Variants in MYH15 observed in about 807,000 individuals in gnomAD.
MYH15 encodes the protein myosin-15.
Under a neutral mutation model 240.5 loss-of-function variants are expected in MYH15, and 227 were observed. That is an observed-to-expected ratio of 0.94 (90% confidence interval 0.85 to 1.05). The LOEUF (loss-of-function observed/expected upper bound fraction) is 1.05. Ranked by LOEUF, MYH15 falls within the 50% of genes least tolerant of loss-of-function variation. The pLI is 0.00. For missense variants in MYH15, 2,217 were observed against 2,247.5 expected, an observed-to-expected ratio of 0.99 and a Z score of 0.27; for synonymous variants, 785 against 796.7, an observed-to-expected ratio of 0.99 and a Z score of 0.25.
rs534031202 is a variant in MYH15, at chr3:108,522,224, C to CA, written c.-58+7038dup. ...GGGACTGTGGTTCTATCAACAACAA[C>CA]AAAAAAATCCCAAGAAAGGGCATGA... On this transcript the variant is annotated intron_variant, in intron 1 of 41. Transcript: ENST00000273353. Among the ~76,000 whole-genome samples, 14 of 151,788 alleles carry CA rather than the reference C, an allele frequency of 9.2e-5. No individual in the cohort carries two copies. The South Asian group carries it at 2.3e-3, about 25-fold the overall frequency.
intron 8 of MYH15, 150 bp downstream of exon 8, chr3:108,492,964 G>GAA: frequency 1.5e-6 from 1 of 662,376 alleles, no homozygotes; most frequent in Non-Finnish European, 2.6e-6. Context: ...GAAAAGAAAA[G>GAA]AAGGAAGGAA....
intron 25 of MYH15, among the ~76,000 whole-genome samples, chr3:108,435,574 T>C (rs564173013): frequency 4.2e-4 from 63 of 150,628 alleles, no homozygotes; most frequent in Admixed American, 2.5e-3. Context: ...TTTTTCCTTT[T>C]TGTGACTGGC....
At chr3:108,542,965 C>A in the MYH15 span, among the ~76,000 whole-genome samples, 28 of 150,336 alleles carry the variant, frequency 1.9e-4, 1 homozygote, top group African/African-American at 6.4e-4. Flanking sequence ...ACTGTAACCT[C>A]TGCCTCACGG....
At chr3:108,474,797 TCA>T (rs1461583128) in intron 12 of MYH15, among the ~76,000 whole-genome samples, 1 of 152,144 alleles carries the variant, frequency 6.6e-6, no homozygotes, top group African/African-American at 2.4e-5. Flanking sequence ...AAGAAATAGC[TCA>T]GTTATGTGTC....
chr3:108,442,657 T>A (rs1042661136), intron 22 of MYH15, among the ~76,000 whole-genome samples: 1 of 152,090 alleles, frequency 6.6e-6, no homozygotes, highest in Admixed American at 6.5e-5. Context: ...AGTTTAGCAG[T>A]AGGAAGATTC....
In MYH15 at chr3:108,457,167, G is replaced by A. The variant is rs753467047; in HGVS notation, c.2021-284C>T. Among the ~76,000 whole-genome samples, 41 of 152,070 alleles carry A rather than the reference G, an allele frequency of 2.7e-4. 1 individual carries two copies. The highest frequency in any genetic ancestry group is 1.3e-4 in the Non-Finnish European group (9 of 68,002). Reference sequence around the variant, plus strand: ...GTTTATAAGCAAATATTCTTGGAAGGCAAAAAGATTACATTTTTTGCTAGA... The same window carrying A: ...GTTTATAAGCAAATATTCTTGGAAGACAAAAAGATTACATTTTTTGCTAGA... On this transcript the variant is annotated intron_variant, in intron 18 of 40. Transcript: ENST00000693548.
intron 34 of MYH15, 63 bp from the exon 35 acceptor site, chr3:108,398,903 T>A (rs1158618573): frequency 4.6e-6 from 7 of 1,509,828 alleles, no homozygotes; most frequent in Non-Finnish European, 6.4e-6. Flanking sequence ...ACTATGCACC[T>A]ACACATGCAT....
At chr3:108,384,265 A>C (rs1317643118) in intron 39 of MYH15, among the ~76,000 whole-genome samples, 1 of 152,192 alleles carries the variant, frequency 6.6e-6, no homozygotes, top group Non-Finnish European at 1.5e-5. Context: ...TGGCAAGTAC[A>C]TTTCAATTTA....
At chr3:108,450,162 T>G (rs941263953) in intron 21 of MYH15, among the ~76,000 whole-genome samples, 1 of 151,916 alleles carries the variant, frequency 6.6e-6, no homozygotes. Flanking sequence ...CCTCAAAAAA[T>G]TAAAAATGGA....
intron 3 of MYH15, 93 bp downstream of exon 3, chr3:108,501,619 G>C: frequency 6.6e-7 from 1 of 1,513,978 alleles, no homozygotes. Flanking sequence ...GTGCGAGCAT[G>C]CTTAAACTCA....
intron 1 of MYH15, among the ~76,000 whole-genome samples, chr3:108,524,482 T>C (rs2083650422): frequency 6.6e-6 from 1 of 152,062 alleles, no homozygotes; most frequent in African/African-American, 2.4e-5. Flanking sequence ...ATTAATTTAA[T>C]TTACCAAATC....
chr3:108,493,801 T>C (rs1392876938), intron 7 of MYH15, among the ~76,000 whole-genome samples: 2 of 152,208 alleles, frequency 1.3e-5, no homozygotes, highest in Non-Finnish European at 2.9e-5. Context: ...ATCTAAGCCA[T>C]GTAGAACACG....
the MYH15 span, among the ~76,000 whole-genome samples, chr3:108,547,781 G>A: frequency 6.6e-6 from 1 of 151,992 alleles, no homozygotes; most frequent in Non-Finnish European, 1.5e-5. Flanking sequence ...ATATCCACTT[G>A]GCAACCAACC....
At chr3:108,538,116 T>C in the MYH15 span, among the ~76,000 whole-genome samples, 5 of 152,174 alleles carry the variant, frequency 3.3e-5, no homozygotes, top group African/African-American at 1.2e-4. Context: ...CTCCAGATGT[T>C]CTCCTGTGTT....
At chr3:108,476,139 A>AGG (rs1287928808) in intron 12 of MYH15, among the ~76,000 whole-genome samples, 3 of 152,176 alleles carry the variant, frequency 2.0e-5, no homozygotes, top group African/African-American at 7.2e-5. Flanking sequence ...CAACAAGTGG[A>AGG]GGGTTTGTCT....
At chr3:108,543,039 T>C in the MYH15 span, among the ~76,000 whole-genome samples, 1 of 151,940 alleles carries the variant, frequency 6.6e-6, no homozygotes, top group South Asian at 2.1e-4. Context: ...CACCATCATG[T>C]CCGGCTAATT....
chr3:108,493,315 AAG>A, intron 7 of MYH15, 138 bp from the exon 8 acceptor site: 9 of 638,944 alleles, frequency 1.4e-5, no homozygotes, highest in East Asian at 2.8e-5. Flanking sequence ...AAAAAAAAAA[AAG>A]AAAGAAAGAA....
chr3:108,470,825 A>T lies in MYH15; in HGVS notation c.1256T>A (p.Leu419Gln). The T allele has an allele frequency of 6.2e-7, 1 of 1,613,756 alleles. No individual in the cohort carries two copies. The highest frequency in any genetic ancestry group is 8.5e-7 in the Non-Finnish European group (1 of 1,179,760). The stretch of plus-strand genomic sequence containing the variant: ...CATCCTTTCATACATTGACTTGGAC[A>T]GGGCACCGACAGCACAGGTTACCTA... Reference protein sequence around the residue: ...IEQVTCAVGALSKSMYERMFK... With the variant: ...IEQVTCAVGAQSKSMYERMFK... The change falls in exon 13 of 41, where the codon CTG (leucine) becomes CAG (glutamine). Residue 419 changes from leucine to glutamine, a missense_variant. Transcript: ENST00000693548.
intron 21 of MYH15, among the ~76,000 whole-genome samples, chr3:108,447,555 G>C (rs118084130): frequency 1.3e-5 from 2 of 151,724 alleles, no homozygotes; most frequent in East Asian, 3.9e-4. Flanking sequence ...GAAGAGAGTG[G>C]TGTGATATAA....
Sources: gnomAD v4.1 joint callset for allele counts (sites outside exome capture counted in the v4.1 genomes callset) on GRCh38, gnomAD v4.1.1 for gene constraint, MANE v1.5 for transcripts, NCBI Gene and HGNC (gene_info 2026-07-23, HGNC 2026-07-21) for gene names.